The following GRID2 variants were observed in gnomAD, a reference collection of about 807,000 sequenced individuals.
The protein encoded by GRID2 is glutamate ionotropic receptor delta type subunit 2.
A neutral mutation model predicts 114.8 loss-of-function variants in GRID2; 33 were observed. The ratio of observed to expected loss-of-function variants is 0.29; its 90% CI spans 0.22 to 0.38. The LOEUF is 0.38. Among genes scored for constraint, GRID2 ranks in the 10% least tolerant of loss-of-function variants. GRID2 has a pLI of 1.00. For missense variants in GRID2, 1,184 were observed against 1,257.7 expected, an observed-to-expected ratio of 0.94 and a Z score of 0.89; for synonymous variants, 505 against 449.9, an observed-to-expected ratio of 1.12 and a Z score of -1.55.
At chr4:93,577,538 T>C (rs1313236253) in intron 13 of GRID2, among the ~76,000 whole-genome samples, 1 of 152,226 alleles carries the variant, frequency 6.6e-6, no homozygotes, top group Non-Finnish European at 1.5e-5. Flanking sequence ...TGAAATTCTA[T>C]CAGTAAATGT....
chr4:93,056,477 AT>A (rs1040718014), intron 2 of GRID2, among the ~76,000 whole-genome samples: 11 of 151,960 alleles, frequency 7.2e-5, no homozygotes, highest in African/African-American at 1.2e-4. Flanking sequence ...AGAAAAAAAA[AT>A]AAATGAAAGA....
chr4:93,107,459 C>A (rs1012188160), intron 3 of GRID2, among the ~76,000 whole-genome samples: 1 of 152,082 alleles, frequency 6.6e-6, no homozygotes, highest in African/African-American at 2.4e-5. Flanking sequence ...GTATGCATAT[C>A]ACTCTGATCA....
intron 2 of GRID2, among the ~76,000 whole-genome samples, chr4:92,941,036 T>A (rs1023977748): frequency 1.3e-5 from 2 of 152,126 alleles, no homozygotes; most frequent in East Asian, 3.9e-4. Context: ...TCTCTTTTAT[T>A]GTTGTGTCTG....
At chr4:92,335,455 C>T (rs1727116349) in intron 1 of GRID2, among the ~76,000 whole-genome samples, 1 of 152,126 alleles carries the variant, frequency 6.6e-6, no homozygotes, top group Admixed American at 6.5e-5. Flanking sequence ...AATCATTAAT[C>T]ATTATTATGA....
At chr4:93,574,172 T>C (rs1476105488) in intron 13 of GRID2, among the ~76,000 whole-genome samples, 1 of 152,144 alleles carries the variant, frequency 6.6e-6, no homozygotes, top group Non-Finnish European at 1.5e-5. Flanking sequence ...AAGGCACAAA[T>C]TGAATTGTAC....
chr4:92,905,568 A>G (rs1359101057), intron 2 of GRID2, among the ~76,000 whole-genome samples: 6 of 152,082 alleles, frequency 3.9e-5, no homozygotes, highest in East Asian at 1.9e-4. Flanking sequence ...ATGCTGTCCA[A>G]TATGGTATTT....
intron 8 of GRID2, among the ~76,000 whole-genome samples, chr4:93,315,116 A>G (rs1178475176): frequency 6.6e-6 from 1 of 152,122 alleles, no homozygotes; most frequent in Non-Finnish European, 1.5e-5. Flanking sequence ...GAGAGCATGT[A>G]AGTATGCAGG....
chr4:92,849,896 A>G (rs1743640765), intron 2 of GRID2, among the ~76,000 whole-genome samples: 1 of 151,764 alleles, frequency 6.6e-6, no homozygotes, highest in South Asian at 2.1e-4. Context: ...ATCATGGGTT[A>G]TTACAGTAAA....
At chr4:93,321,676 T>A (rs922702968) in intron 8 of GRID2, among the ~76,000 whole-genome samples, 2 of 151,950 alleles carry the variant, frequency 1.3e-5, no homozygotes, top group African/African-American at 4.8e-5. Flanking sequence ...TTTGAAATAC[T>A]TTTTTTATTC....
chr4:92,550,433 T>C (rs1726525698), intron 1 of GRID2, among the ~76,000 whole-genome samples: 1 of 152,228 alleles, frequency 6.6e-6, no homozygotes, highest in Non-Finnish European at 1.5e-5. Context: ...ACACCTACCA[T>C]TAAATGTTAA....
At chr4:93,090,070 T>C (rs1398348465) in intron 3 of GRID2, among the ~76,000 whole-genome samples, 1 of 152,168 alleles carries the variant, frequency 6.6e-6, no homozygotes, top group Non-Finnish European at 1.5e-5. Context: ...AATGTAATAG[T>C]CACATTCTTT....
intron 2 of GRID2, among the ~76,000 whole-genome samples, chr4:92,953,579 G>C (rs1752176948): frequency 6.6e-6 from 1 of 152,004 alleles, no homozygotes; most frequent in South Asian, 2.1e-4. Context: ...ATTAGTTTAT[G>C]TGATTCATTT....
chr4:93,287,106 G>C (rs16996388), intron 8 of GRID2, among the ~76,000 whole-genome samples: 83,325 of 151,752 alleles, frequency 0.55, 23,881 homozygotes, highest in Middle Eastern at 0.74. Flanking sequence ...TAACTTAAGT[G>C]AGAAAAAAAT....
At chr4:93,306,710 C>A (rs555719390) in intron 8 of GRID2, among the ~76,000 whole-genome samples, 5 of 152,136 alleles carry the variant, frequency 3.3e-5, no homozygotes, top group East Asian at 1.9e-4. Flanking sequence ...TTAATTGATG[C>A]ATTTATGTTT....
chr4:93,364,567 G>A (rs1762166305), intron 8 of GRID2, among the ~76,000 whole-genome samples: 1 of 151,992 alleles, frequency 6.6e-6, no homozygotes, highest in African/African-American at 2.4e-5. Flanking sequence ...CAACTCCTGG[G>A]CTCAAGCAAT....
In GRID2 at chr4:92,415,758, A is replaced by G. The variant is rs867718661; in HGVS notation, c.88+111014A>G. The stretch of plus-strand genomic sequence containing the variant: ...TATGTGTGTATATATATATATATAT[A>G]TATATATATATATATATATATATCA... On this transcript the variant is annotated intron_variant, in intron 1 of 15. Coordinates refer to ENST00000282020, the MANE Select transcript of GRID2 (RefSeq NM_001510.4). Among the ~76,000 whole-genome samples the G allele has an allele frequency of 2.6e-3, 348 of 133,548 alleles. 9 individuals are homozygous for G. The highest frequency in any genetic ancestry group is 8.7e-3 in the African/African-American group (312 of 36,058). The allele number at this position is 133,548 out of a possible 152,430, so 87.6% of individuals were successfully genotyped here. A position where few individuals can be genotyped will look rare whatever the true frequency, so the allele number is the denominator to read the frequency against.
At chr4:93,680,737 G>A (rs1397569869) in intron 14 of GRID2, among the ~76,000 whole-genome samples, 1 of 151,304 alleles carries the variant, frequency 6.6e-6, no homozygotes, top group Admixed American at 6.6e-5. Context: ...AACCCTTCAT[G>A]CTAAAAACTC....
intron 8 of GRID2, among the ~76,000 whole-genome samples, chr4:93,363,206 G>C (rs1454985727): frequency 6.6e-6 from 1 of 152,142 alleles, no homozygotes; most frequent in Non-Finnish European, 1.5e-5. Context: ...GACAGAGTGA[G>C]ACCCTGTCTC....
chr4:92,549,205 C>A (rs1313891864), intron 1 of GRID2, among the ~76,000 whole-genome samples: 1 of 151,178 alleles, frequency 6.6e-6, no homozygotes, highest in Non-Finnish European at 1.5e-5. Context: ...TGATTTTGCA[C>A]TTTGAAGGAA....
Sources: allele counts gnomAD v4.1 joint callset (sites outside exome capture counted in the v4.1 genomes callset), GRCh38; gene constraint gnomAD v4.1.1; transcripts MANE v1.5; gene names NCBI Gene and HGNC (gene_info 2026-07-23, HGNC 2026-07-21).